Variants in CCDC148 observed in about 807,000 individuals in gnomAD.
CCDC148 encodes coiled-coil domain-containing protein 148.
Under a neutral mutation model 85.7 loss-of-function variants are expected in CCDC148, and 89 were observed. The ratio of observed to expected loss-of-function variants is 1.04; its 90% confidence interval spans 0.87 to 1.24. The LOEUF is 1.24. Ranked by LOEUF, CCDC148 falls within the 50% of genes most tolerant of loss-of-function variation. The probability of loss-of-function intolerance (pLI) is 0.00; values close to 1 mark genes in which losing one functional copy is unlikely to be tolerated. For synonymous variants in CCDC148, 230 were observed against 213.9 expected, an observed-to-expected ratio of 1.08 and a Z score of -0.66; for missense variants, 692 against 671.7, an observed-to-expected ratio of 1.03 and a Z score of -0.33.
At chr2:158,176,456 C>A in intron 13 of CCDC148, 65 bp downstream of exon 13, 1 of 1,501,044 alleles carries the variant, frequency 6.7e-7, no homozygotes, top group Non-Finnish European at 9.1e-7. Flanking sequence ...ACCCCAAACA[C>A]ACACTTCTAC....
At chr2:158,450,869 T>C (rs1432729544) in intron 1 of CCDC148, among the ~76,000 whole-genome samples, 1 of 152,162 alleles carries the variant, frequency 6.6e-6, no homozygotes, top group Non-Finnish European at 1.5e-5. Context: ...TTTAGGACAT[T>C]GCTTCTTCAA....
At chr2:158,177,334 T>C (rs1030746110) in intron 12 of CCDC148, among the ~76,000 whole-genome samples, 10 of 152,078 alleles carry the variant, frequency 6.6e-5, no homozygotes, top group African/African-American at 1.9e-4. Flanking sequence ...TATGCACCAT[T>C]AGTAACACCT....
intron 11 of CCDC148, among the ~76,000 whole-genome samples, chr2:158,197,669 C>A (rs1331532027): frequency 6.6e-6 from 1 of 152,100 alleles, no homozygotes; most frequent in Non-Finnish European, 1.5e-5. Flanking sequence ...TGTCTAATCT[C>A]ATTTTGAACC....
At chr2:158,418,614 A>C (rs1686617970) in intron 1 of CCDC148, among the ~76,000 whole-genome samples, 1 of 151,554 alleles carries the variant, frequency 6.6e-6, no homozygotes, top group Non-Finnish European at 1.5e-5. Context: ...CATCTACCAG[A>C]TCTTATGTGA....
At chr2:158,344,188 C>A (rs1031262261) in intron 3 of CCDC148, among the ~76,000 whole-genome samples, 48 of 152,010 alleles carry the variant, frequency 3.2e-4, no homozygotes, top group African/African-American at 1.0e-3. Flanking sequence ...ATTCAATAGG[C>A]TCAAACATTC....
intron 1 of CCDC148, among the ~76,000 whole-genome samples, chr2:158,410,870 G>A (rs907520756): frequency 7.9e-5 from 12 of 152,032 alleles, no homozygotes; most frequent in African/African-American, 1.2e-4. Context: ...ACTCCCTTAA[G>A]CATTTTTCAA....
intron 9 of CCDC148, among the ~76,000 whole-genome samples, chr2:158,270,550 A>G (rs1259245446): frequency 6.6e-6 from 1 of 152,222 alleles, no homozygotes; most frequent in African/African-American, 2.4e-5. Flanking sequence ...AGAACAATTC[A>G]TAGGTAAACC....
intron 10 of CCDC148, among the ~76,000 whole-genome samples, chr2:158,231,815 C>T (rs1414944928): frequency 6.6e-6 from 1 of 152,094 alleles, no homozygotes; most frequent in African/African-American, 2.4e-5. Context: ...GGAACCGGGC[C>T]AACAGTTTTC....
At chr2:158,192,556 C>T (rs971847631) in intron 11 of CCDC148, among the ~76,000 whole-genome samples, 36 of 152,190 alleles carry the variant, frequency 2.4e-4, no homozygotes, top group African/African-American at 8.7e-4. Context: ...CTAGACACAG[C>T]TAACAAAGGA....
chr2:158,417,851 A>C (rs1686574225), intron 1 of CCDC148, among the ~76,000 whole-genome samples: 1 of 152,218 alleles, frequency 6.6e-6, no homozygotes, highest in South Asian at 2.1e-4. Flanking sequence ...GCATAAAGAC[A>C]TCAGGTTAAG....
chr2:158,201,416 A>ATT (rs34363114), intron 11 of CCDC148, among the ~76,000 whole-genome samples: 64 of 149,210 alleles, frequency 4.3e-4, no homozygotes, highest in Admixed American at 6.7e-4. Context: ...ATTTGTTACT[A>ATT]TTTTTTTTTT....
chr2:158,429,832 T>C (rs1444926952), intron 1 of CCDC148, among the ~76,000 whole-genome samples: 1 of 152,046 alleles, frequency 6.6e-6, no homozygotes, highest in Non-Finnish European at 1.5e-5. Flanking sequence ...ATGAAACAAG[T>C]TGGGTGGGAC....
intron 10 of CCDC148, among the ~76,000 whole-genome samples, chr2:158,223,458 C>T (rs2105304849): frequency 6.6e-6 from 1 of 152,304 alleles, no homozygotes; most frequent in South Asian, 2.1e-4. Context: ...TGTCTGACAG[C>T]TTTGAAGAGT....
chr2:158,433,234 G>T (rs11675870), intron 1 of CCDC148, among the ~76,000 whole-genome samples: 41,130 of 134,762 alleles, frequency 0.31, 8,100 homozygotes, highest in Middle Eastern at 0.44. Context: ...TACTATAGCC[G>T]GGGCAACAGA....
At chr2:158,455,042 C>T (rs192897774) in intron 1 of CCDC148, among the ~76,000 whole-genome samples, 13 of 152,208 alleles carry the variant, frequency 8.5e-5, no homozygotes, top group African/African-American at 3.1e-4. Flanking sequence ...AGAAAAGACC[C>T]ATTTTTTCTT....
intron 11 of CCDC148, among the ~76,000 whole-genome samples, chr2:158,204,913 C>A (rs1197188765): frequency 6.6e-6 from 1 of 152,176 alleles, no homozygotes; most frequent in Non-Finnish European, 1.5e-5. Flanking sequence ...CCCAGTGGAT[C>A]TACCAGGAAC....
chr2:158,420,506 G>C (rs994877269), intron 1 of CCDC148, among the ~76,000 whole-genome samples: 13 of 152,078 alleles, frequency 8.5e-5, no homozygotes, highest in African/African-American at 3.1e-4. Flanking sequence ...AAATGAAGGA[G>C]AAATAAAATC....
At chr2:158,439,471 T>C (rs984567218) in intron 1 of CCDC148, among the ~76,000 whole-genome samples, 2 of 152,022 alleles carry the variant, frequency 1.3e-5, no homozygotes, top group Non-Finnish European at 2.9e-5. Flanking sequence ...CACCGAGGCC[T>C]GTCGTGGGGT....
intron 10 of CCDC148, among the ~76,000 whole-genome samples, chr2:158,240,452 T>TCTCACACA (rs941238898): frequency 5.9e-4 from 71 of 120,546 alleles, no homozygotes; most frequent in African/African-American, 1.0e-3. Flanking sequence ...TCTCTCTCTC[T>TCTCACACA]CACACACACA....
Sources: allele counts gnomAD v4.1 joint callset (sites outside exome capture counted in the v4.1 genomes callset), GRCh38; gene constraint gnomAD v4.1.1; transcripts MANE v1.5; gene names NCBI Gene and HGNC (gene_info 2026-07-23, HGNC 2026-07-21).